The following TRIM31 variants were observed in gnomAD, a reference collection of about 807,000 sequenced individuals.
TRIM31 encodes E3 ubiquitin-protein ligase TRIM31.
TRIM31 carries 31 observed loss-of-function variants against 40.6 expected under a neutral mutation model. The observed-to-expected ratio is 0.76, with a 90% CI of 0.57 to 1.03. The LOEUF (loss-of-function observed/expected upper bound fraction) is 1.03. TRIM31 is among the 50% of genes least tolerant of loss of function. The probability of loss-of-function intolerance (pLI) is 0.00; values close to 1 mark genes in which losing one functional copy is unlikely to be tolerated. For synonymous variants in TRIM31, 164 were observed against 193.9 expected (o/e 0.85, Z 1.28); for missense variants, 455 against 497.5 (o/e 0.91, Z 0.81).
chr6:30,109,986 G>A (rs1211271890), intron 4 of TRIM31, among the ~76,000 whole-genome samples: 2 of 136,530 alleles, frequency 1.5e-5, no homozygotes, highest in African/African-American at 5.4e-5. Context: ...ATTGAGATGT[G>A]CCAAAGTGAA....
At chr6:30,108,465 AGGAGAATCACTTGAACCTG>A (rs1768949036) in intron 5 of TRIM31, among the ~76,000 whole-genome samples, 1 of 151,202 alleles carries the variant, frequency 6.6e-6, no homozygotes, top group African/African-American at 2.4e-5. Context: ...AGGCTGAGGC[AGGAGAATCACTTGAACCTG>A]GGAGACAAAG....
At chr6:30,109,660 C>T in intron 4 of TRIM31, among the ~76,000 whole-genome samples, 1 of 152,104 alleles carries the variant, frequency 6.6e-6, no homozygotes, top group East Asian at 1.9e-4. Flanking sequence ...GTGGGCAGAT[C>T]ACTTGAGGTC....
chr6:30,104,945 A>G (rs1162162762), intron 7 of TRIM31, among the ~76,000 whole-genome samples: 1 of 152,192 alleles, frequency 6.6e-6, no homozygotes, highest in African/African-American at 2.4e-5. Context: ...ATACATTTGT[A>G]ATTTTCTATT....
chr6:30,106,271 A>G (rs1235317655), intron 6 of TRIM31, among the ~76,000 whole-genome samples: 1 of 152,186 alleles, frequency 6.6e-6, no homozygotes, highest in Non-Finnish European at 1.5e-5. Flanking sequence ...GAGAGCCACC[A>G]GCCCAGTCAT....
Position 30,103,534 on chromosome 6 carries a change from G to A in TRIM31, c.*2C>T. The A allele has an allele frequency of 6.2e-7, 1 of 1,612,476 alleles. No homozygotes were observed. Among genetic ancestry groups the A allele is most frequent in the Non-Finnish European group, 8.5e-7 (1 of 1,179,652 alleles). ...ACCGCTCCCCGTGTTCTCTGAGCTG[G>A]CTTAGCTTGAAGGAACCTCACAAAA... On this transcript the variant is annotated 3_prime_UTR_variant, in exon 9 of 9. Transcript: ENST00000376734.
rs746412282 is a variant in TRIM31 at position 30,103,207 on chromosome 6, A to C, written c.*329T>G. On this transcript the variant is annotated 3_prime_UTR_variant, in exon 9 of 9. Coordinates refer to ENST00000376734, the MANE Select transcript of TRIM31 (RefSeq NM_007028.5). ...TGGTGCCTTCGGTAAACAGCTGCTTAAAGAGTGCGGGGACTGCTGCAGGGA... is the reference window on the plus strand; with the variant it reads ...TGGTGCCTTCGGTAAACAGCTGCTTCAAGAGTGCGGGGACTGCTGCAGGGA... The C allele has an allele frequency of 4.7e-6, 2 of 423,600 alleles. No individual in the cohort carries two copies. The highest frequency in any genetic ancestry group is 8.6e-6 in the Non-Finnish European group (2 of 232,718). 26.2% of individuals were successfully genotyped at this position (423,600 alleles called of 1,614,324 possible). A position where few individuals can be genotyped will look rare whatever the true frequency, so the allele number is the denominator to read the frequency against.
intron 6 of TRIM31, among the ~76,000 whole-genome samples, chr6:30,105,982 T>C (rs932276927): frequency 2.0e-5 from 3 of 152,202 alleles, no homozygotes; most frequent in Admixed American, 2.0e-4. Context: ...AAGACAGAGC[T>C]CCTGCAAGGG....
intron 5 of TRIM31, among the ~76,000 whole-genome samples, chr6:30,108,556 T>G: frequency 3.4e-5 from 2 of 59,450 alleles, no homozygotes; most frequent in Non-Finnish European, 6.1e-5. Flanking sequence ...CAAAGCTCCA[T>G]CTCAAAAAAA....
rs770700226 is a variant in TRIM31 at position 30,111,694 on chromosome 6, G to A, written c.467C>T (p.Thr156Ile). Reference protein sequence around the residue: ...IQVLQQKEKETVQVKAQGVHR... With the variant: ...IQVLQQKEKEIVQVKAQGVHR... ...TACACCTTGTGCCTTCACTTGTACT[G>A]TCTCCTTCTCCTTTTGCTGCAAGAC... The change falls in exon 3 of 9, where the codon ACA becomes ATA. Residue 156 changes from threonine (T) to isoleucine (I), a missense_variant. Coordinates refer to ENST00000376734, the MANE Select transcript of TRIM31 (RefSeq NM_007028.5). The A allele has an allele frequency of 6.2e-7, 1 of 1,614,214 alleles. No individual in the cohort carries two copies. Among genetic ancestry groups the A allele is most frequent in the South Asian group, 1.1e-5 (1 of 91,088 alleles).
At chr6:30,107,072 C>A (rs1251610284) in intron 6 of TRIM31, among the ~76,000 whole-genome samples, 6 of 152,066 alleles carry the variant, frequency 3.9e-5, no homozygotes, top group South Asian at 2.1e-4. Flanking sequence ...TGCACTCTAT[C>A]CTGGGCAATA....
In TRIM31 at chr6:30,103,673, C is replaced by G; in HGVS notation, c.1141G>C (p.Asp381His). The G allele has an allele frequency of 1.2e-6, 2 of 1,613,054 alleles. No homozygotes were observed. Among genetic ancestry groups the G allele is most frequent in the Non-Finnish European group, 1.7e-6 (2 of 1,180,036 alleles). ...TFPVCLLASY[D>H]EISGQGASSQ... The stretch of plus-strand genomic sequence containing the variant: ...CTCGCTCCTTGACCAGAAATCTCAT[C>G]ATAAGAGGCCAGGAGACATACTGGA... The change falls in exon 9 of 9, where the codon GAT (aspartate) becomes CAT (histidine). Residue 381 changes from aspartate (D) to histidine (H), a missense_variant. Physicochemically the swap from Asp to His is moderately conservative, Grantham distance 81. Coordinates refer to ENST00000376734, the MANE Select transcript of TRIM31 (RefSeq NM_007028.5).
At chr6:30,110,707 G>C (rs1185335482) in intron 3 of TRIM31, 29 bp from the exon 4 acceptor site, 1 of 1,607,056 alleles carries the variant, frequency 6.2e-7, no homozygotes, top group African/African-American at 1.3e-5. Context: ...CAGAGGGTGA[G>C]AGGATGGCCT....
intron 1 of TRIM31, 34 bp from the exon 2 acceptor site, chr6:30,112,922 G>A (rs1213480276): frequency 2.0e-6 from 2 of 991,470 alleles, no homozygotes; most frequent in East Asian, 2.7e-5. Flanking sequence ...AGAAAGTGGA[G>A]GTCAGAGATT....
At chr6:30,111,496 G>C in intron 3 of TRIM31, 152 bp downstream of exon 3, 1 of 708,730 alleles carries the variant, frequency 1.4e-6, no homozygotes. Context: ...GACGCGGGAG[G>C]TGATGCCGCC....
chr6:30,104,096 T>C lies in TRIM31; in HGVS notation c.1024+6A>G. Reference sequence around the variant, plus strand: ...GTCCCTTAGTATTCAGAGACAGGACTCTTACCTGCAGAAGATGACCCGGGC... The same window carrying C: ...GTCCCTTAGTATTCAGAGACAGGACCCTTACCTGCAGAAGATGACCCGGGC... On this transcript the variant is annotated splice_donor_region_variant and intron_variant, in intron 8 of 8. Coordinates refer to ENST00000376734, the MANE Select transcript of TRIM31 (RefSeq NM_007028.5). 1.2e-6 allele frequency: 2 copies of C among 1,613,040 alleles called. No individual in the cohort carries two copies. The highest frequency in any genetic ancestry group is 1.7e-6 in the Non-Finnish European group (2 of 1,180,008).
chr6:30,112,835 T>C lies in TRIM31; in HGVS notation c.-30A>G, dbSNP rs770713493. The C allele has an allele frequency of 5.8e-6, 9 of 1,562,250 alleles. No homozygotes were observed. The African/African-American group carries it at 6.8e-5, about 12-fold the overall frequency. On this transcript the variant is annotated 5_prime_UTR_variant, in exon 2 of 9. Transcript: ENST00000376734. ...GAACAACAGGGCTGTTTCAAGACTG[T>C]AGGAAGCTGTGCCAAGTCTGTAGGA... is the stretch of plus-strand genomic sequence containing the variant.
At chr6:30,109,608 C>T (rs975517114) in intron 4 of TRIM31, among the ~76,000 whole-genome samples, 4 of 152,060 alleles carry the variant, frequency 2.6e-5, no homozygotes, top group Non-Finnish European at 4.4e-5. Flanking sequence ...AGGCCAGGCA[C>T]GGTGGTTCAC....
chr6:30,108,557 C>A (rs1768957650), intron 5 of TRIM31, among the ~76,000 whole-genome samples: 1 of 60,846 alleles, frequency 1.6e-5, no homozygotes, highest in Non-Finnish European at 3.3e-5. Flanking sequence ...AAAGCTCCAT[C>A]TCAAAAAAAA....
At chr6:30,108,265 A>G in intron 5 of TRIM31, 97 bp from the exon 6 acceptor site, 1 of 841,376 alleles carries the variant, frequency 1.2e-6, no homozygotes, top group Non-Finnish European at 2.0e-6. Flanking sequence ...GGGGATGAAG[A>G]CCTGGGGGTA....
Sources: allele counts gnomAD v4.1 joint callset (sites outside exome capture counted in the v4.1 genomes callset), GRCh38; gene constraint gnomAD v4.1.1; transcripts MANE v1.5; gene names NCBI Gene and HGNC (gene_info 2026-07-23, HGNC 2026-07-21).